The following BLACAT1 variants were observed in gnomAD, a reference collection of about 807,000 sequenced individuals.
The protein encoded by BLACAT1 is bladder cancer associated transcript 1.
intron 1 of BLACAT1, among the ~76,000 whole-genome samples, chr1:205,454,547 T>TGAGA (rs1294684839): frequency 1.3e-5 from 2 of 150,968 alleles, no homozygotes; most frequent in Admixed American, 6.6e-5. Flanking sequence ...TGTGTGTGTG[T>TGAGA]GTGAGAGAGA....
Position 205,441,208 on chromosome 1 carries a change from T to C in BLACAT1, c.-36-146A>G, listed in dbSNP as rs1277119869. On this transcript the variant is annotated intron_variant, in intron 1 of 1. Coordinates refer to ENST00000629624, the Ensembl canonical transcript of BLACAT1. The surrounding 1 kb of genome is among the most constrained non-coding windows in gnomAD (Gnocchi z 4.3). ...GGCCCGCTAGGTCTCTCACACCGGC[T>C]GGGGGAGGAGTCAAGCCTCTAAACA... The C allele has an allele frequency of 6.6e-6, 1 of 152,300 alleles. No homozygotes were observed. Among genetic ancestry groups the C allele is most frequent in the Non-Finnish European group, 1.5e-5 (1 of 68,164 alleles). The allele number at this position is 152,300 out of a possible 1,614,324, so 9.4% of individuals were successfully genotyped here. A position where few individuals can be genotyped will look rare whatever the true frequency, so the allele number is the denominator to read the frequency against.
At position 205,448,365 on chromosome 1, in the gene BLACAT1, A is replaced by AT. The variant is rs1474169149; in HGVS notation, c.-36-7304dup. ...TACATGAGTTTGGGACAGCAATCAC[A>AT]TAGGAATGAAAAGCCATAGGCCACA... is the stretch of plus-strand genomic sequence containing the variant. On this transcript the variant is annotated intron_variant, in intron 1 of 1. Transcript: ENST00000629624. The surrounding 1 kb of genome is among the most constrained non-coding windows in gnomAD (Gnocchi z 4.7). The AT allele has an allele frequency of 1.9e-6, 1 of 534,600 alleles. No individual in the cohort carries two copies. The highest frequency in any genetic ancestry group is 5.4e-5 in the East Asian group (1 of 18,356). 33.1% of individuals were successfully genotyped at this position (534,600 alleles called of 1,614,324 possible).
chr1:205,439,328 G>A (rs543018742), downstream of BLACAT1, among the ~76,000 whole-genome samples: 2 of 152,318 alleles, frequency 1.3e-5, no homozygotes, highest in South Asian at 2.1e-4. Flanking sequence ...AGAAGGTGGG[G>A]GCTAGGAGGT....
chr1:205,451,419 C>G (rs549087256), intron 1 of BLACAT1, among the ~76,000 whole-genome samples: 1 of 152,186 alleles, frequency 6.6e-6, no homozygotes, highest in Non-Finnish European at 1.5e-5. Flanking sequence ...TTCTTCCTGC[C>G]GCAGGCTCCC....
downstream of BLACAT1, chr1:205,435,647 C>T (rs1558741794): frequency 6.6e-6 from 1 of 152,162 alleles, no homozygotes; most frequent in East Asian, 1.9e-4. Flanking sequence ...GCTTATACCA[C>T]CAACAGGACA....
At chr1:205,454,616 G>A (rs934269585) in intron 1 of BLACAT1, among the ~76,000 whole-genome samples, 4 of 151,966 alleles carry the variant, frequency 2.6e-5, no homozygotes, top group African/African-American at 7.3e-5. Flanking sequence ...ATGGAAAGCC[G>A]GCATTGAATG....
At chr1:205,451,131 C>T (rs1225376859) in intron 1 of BLACAT1, among the ~76,000 whole-genome samples, 1 of 152,196 alleles carries the variant, frequency 6.6e-6, no homozygotes, top group African/African-American at 2.4e-5. Flanking sequence ...AACATTTTCT[C>T]TTTAGCTTCC....
Position 205,448,096 on chromosome 1 carries a change from T to C in BLACAT1, c.-36-7034A>G, listed in dbSNP as rs1431365334. On this transcript the variant is annotated intron_variant, in intron 1 of 1. Coordinates refer to ENST00000629624, the Ensembl canonical transcript of BLACAT1. This position sits in a 1 kb window ranked among gnomAD's most constrained non-coding sequence, Gnocchi z 4.7. ...CTTCCTTCCTCAGAGGGAATCTCCC[T>C]CTGGAATCACCGGCCCAGTCTCTTC... Among the ~76,000 whole-genome samples, 1 of 152,102 alleles carries C rather than the reference T, an allele frequency of 6.6e-6. No homozygotes were observed. The highest frequency in any genetic ancestry group is 6.5e-5 in the Admixed American group (1 of 15,276).
At chr1:205,445,535 G>A (rs962097709) in intron 1 of BLACAT1, among the ~76,000 whole-genome samples, 1 of 152,228 alleles carries the variant, frequency 6.6e-6, no homozygotes, top group African/African-American at 2.4e-5. Context: ...ACAGACCCTA[G>A]CTTGCCAGAC....
chr1:205,439,115 T>C (rs1666253187), downstream of BLACAT1, among the ~76,000 whole-genome samples: 1 of 152,174 alleles, frequency 6.6e-6, no homozygotes, highest in Non-Finnish European at 1.5e-5. Context: ...CAGGAGGCTC[T>C]CTGGCCTCTG....
At chr1:205,443,537 C>A (rs1666332184) in intron 1 of BLACAT1, among the ~76,000 whole-genome samples, 1 of 152,160 alleles carries the variant, frequency 6.6e-6, no homozygotes, top group Non-Finnish European at 1.5e-5. Context: ...GGGCTAGGGG[C>A]TGTAGCCTGG....
intron 1 of BLACAT1, among the ~76,000 whole-genome samples, chr1:205,451,635 GAC>G (rs1334182898): frequency 1.3e-5 from 2 of 152,144 alleles, no homozygotes; most frequent in Non-Finnish European, 2.9e-5. Context: ...GGAACTGAGA[GAC>G]ACAGAATGGA....
intron 1 of BLACAT1, among the ~76,000 whole-genome samples, chr1:205,443,803 G>T (rs567346105): frequency 4.1e-4 from 63 of 152,322 alleles, no homozygotes; most frequent in Non-Finnish European, 7.9e-4. Flanking sequence ...GAAGTGGGGG[G>T]ACATGGGGCA....
At chr1:205,446,780 C>T (rs1175021446) in intron 1 of BLACAT1, among the ~76,000 whole-genome samples, 3 of 152,162 alleles carry the variant, frequency 2.0e-5, no homozygotes, top group African/African-American at 7.2e-5. Context: ...TGAGAGAACC[C>T]AGAGGGCAAG....
At chr1:205,447,246 A>G (rs561405987) in intron 1 of BLACAT1, among the ~76,000 whole-genome samples, 2 of 152,352 alleles carry the variant, frequency 1.3e-5, no homozygotes, top group East Asian at 1.9e-4. Context: ...CAGAATTCCC[A>G]TAAGTTAAAT....
chr1:205,444,938 G>T (rs545974588), intron 1 of BLACAT1, among the ~76,000 whole-genome samples: 1 of 150,884 alleles, frequency 6.6e-6, no homozygotes, highest in African/African-American at 2.5e-5. Context: ...ACCCAGTAAG[G>T]AGGGTGTGCC....
intron 1 of BLACAT1, among the ~76,000 whole-genome samples, chr1:205,454,553 A>T (rs1255323188): frequency 1.6e-4 from 23 of 146,896 alleles, no homozygotes; most frequent in African/African-American, 2.7e-4. Flanking sequence ...TGTGTGTGAG[A>T]GAGAGAGAGA....
Position 205,450,256 on chromosome 1 carries a change from C to G in BLACAT1, c.-37+5661G>C, listed in dbSNP as rs1210434529. ...GTATCTACTGGCTTTTGATCTCACT[C>G]CCTCTGAACCAGCCATGTATTACTC... On this transcript the variant is annotated intron_variant, in intron 1 of 1. Coordinates refer to ENST00000629624, the Ensembl canonical transcript of BLACAT1. This position sits in a 1 kb window ranked among gnomAD's most constrained non-coding sequence, Gnocchi z 4.4. Among the ~76,000 whole-genome samples, 3 of 152,064 alleles carry G rather than the reference C, an allele frequency of 2.0e-5. No homozygotes were observed. Among genetic ancestry groups the G allele is most frequent in the Non-Finnish European group, 2.9e-5 (2 of 68,004 alleles).
chr1:205,452,866 T>G (rs771144010), intron 1 of BLACAT1, among the ~76,000 whole-genome samples: 1 of 152,176 alleles, frequency 6.6e-6, no homozygotes, highest in South Asian at 2.1e-4. Context: ...TCTATGGATG[T>G]TGGCTGAATG....
Sources: gnomAD v4.1 joint callset for allele counts (sites outside exome capture counted in the v4.1 genomes callset) on GRCh38, gnomAD v4.1.1 for gene constraint, Gnocchi (gnomAD v3.1) non-coding constraint, MANE v1.5 for transcripts, NCBI Gene and HGNC (gene_info 2026-07-23, HGNC 2026-07-21) for gene names.